ANKRD11: variants seen among roughly 807,000 people sequenced by gnomAD.
ANKRD11 encodes the protein ankyrin repeat domain-containing protein 11.
In ANKRD11, 17 loss-of-function variants were observed where a neutral mutation model predicts 195.7. The ratio of observed to expected loss-of-function variants is 0.09; its 90% CI spans 0.06 to 0.13. The LOEUF is 0.13. Ranked by LOEUF, ANKRD11 falls within the 10% of genes least tolerant of loss-of-function variation. ANKRD11 has a pLI of 1.00. For synonymous variants in ANKRD11, 1,953 were observed against 1,528.1 expected (o/e 1.28, Z -6.49); for missense variants, 3,735 against 3,566.1 (o/e 1.05, Z -1.21).
chr16:89,465,478 T>C (rs2056849720), intron 1 of ANKRD11, among the ~76,000 whole-genome samples: 1 of 152,140 alleles, frequency 6.6e-6, no homozygotes, highest in South Asian at 2.1e-4. Context: ...GAGCAGACAG[T>C]CCATCGAGGC....
chr16:89,356,705 C>T (rs1336691939), intron 2 of ANKRD11, among the ~76,000 whole-genome samples: 4 of 145,098 alleles, frequency 2.8e-5, no homozygotes, highest in South Asian at 2.2e-4. Flanking sequence ...GGTATGAACC[C>T]GGGAGGCCGA....
intron 2 of ANKRD11, among the ~76,000 whole-genome samples, chr16:89,406,340 AC>A (rs2041905575): frequency 6.6e-6 from 1 of 152,098 alleles, no homozygotes; most frequent in South Asian, 2.1e-4. Flanking sequence ...CACGGCGGGC[AC>A]GGGAAACCCA....
Position 89,284,213 on chromosome 16 carries a change from C to G in ANKRD11, c.2329G>C (p.Glu777Gln). Residue 777 changes from glutamate (E) to glutamine (Q), a missense_variant, in exon 9 of 13, where the codon GAG (glutamate) becomes CAG (glutamine). By Grantham distance (29) the Glu-to-Gln change is conservative. Coordinates refer to ENST00000301030, the MANE Select transcript of ANKRD11 (RefSeq NM_013275.6). ...KKSKDRPSKL[E>Q]KKNDLKEDKI... Reference sequence around the variant, plus strand: ...TCCTCTTTTAAATCATTCTTCTTCTCTAATTTTGAGGGCCGGTCTTTTGAT... The same window carrying G: ...TCCTCTTTTAAATCATTCTTCTTCTGTAATTTTGAGGGCCGGTCTTTTGAT... 6.2e-7 allele frequency: 1 copy of G among 1,612,282 alleles called. No homozygotes were observed. Among genetic ancestry groups the G allele is most frequent in the South Asian group, 1.1e-5 (1 of 90,172 alleles).
intron 1 of ANKRD11, chr16:89,489,153 G>C (rs1597575835): frequency 1.3e-5 from 2 of 151,882 alleles, no homozygotes; most frequent in East Asian, 1.9e-4. Context: ...AAACACAAGA[G>C]TTAACAGTAC....
chr16:89,445,091 G>A, intron 1 of ANKRD11, among the ~76,000 whole-genome samples: 1 of 152,222 alleles, frequency 6.6e-6, no homozygotes, highest in Non-Finnish European at 1.5e-5. Context: ...AGGGTGCCCA[G>A]GCACTCACCA....
At chr16:89,334,603 C>T (rs916892789) in intron 2 of ANKRD11, among the ~76,000 whole-genome samples, 3 of 152,082 alleles carry the variant, frequency 2.0e-5, no homozygotes, top group African/African-American at 4.8e-5. Flanking sequence ...GTAGGCCAGA[C>T]CCTGACCCAG....
intron 4 of ANKRD11, chr16:89,300,939 A>C (rs1597529205): frequency 1.4e-6 from 1 of 695,312 alleles, no homozygotes; most frequent in African/African-American, 1.8e-5. Flanking sequence ...TGGCTGCCCC[A>C]GGACAAGCAG....
intron 1 of ANKRD11, among the ~76,000 whole-genome samples, chr16:89,439,923 T>C (rs2043373772): frequency 6.6e-6 from 1 of 152,224 alleles, no homozygotes; most frequent in Admixed American, 6.5e-5. Context: ...ACTCCAGCTC[T>C]ACTGCACACA....
rs369759142 is a variant in ANKRD11 at position 89,284,283 on chromosome 16, C to T, written c.2259G>A (p.Pro753=). Residue 753 remains proline, a synonymous_variant, in exon 9 of 13, where the codon CCG becomes CCA. Coordinates refer to ENST00000301030, the MANE Select transcript of ANKRD11 (RefSeq NM_013275.6). ...TGTACAGTCTCAGTTTTTCTTCTTT[C>T]GGAGACTTTTCCTTCAGCGATCTCT... ...EKERSLKEKS[P]KEEKLRLYKE... is the part of the protein sequence containing the mutation. 61 of 1,613,702 alleles carry T rather than the reference C, an allele frequency of 3.8e-5. No homozygotes were observed. The highest frequency in any genetic ancestry group is 1.6e-4 in the Middle Eastern group (1 of 6,062).
At chr16:89,380,542 C>T (rs776150573) in intron 2 of ANKRD11, among the ~76,000 whole-genome samples, 1 of 129,560 alleles carries the variant, frequency 7.7e-6, no homozygotes, top group Non-Finnish European at 1.6e-5. Context: ...ACACAGGGCA[C>T]GAAGAGCAGC....
intron 1 of ANKRD11, among the ~76,000 whole-genome samples, chr16:89,442,685 G>A (rs1013725449): frequency 6.6e-6 from 1 of 152,224 alleles, no homozygotes; most frequent in Non-Finnish European, 1.5e-5. Flanking sequence ...GACACGGTTA[G>A]TCCTTTCCTC....
At chr16:89,473,466 A>G (rs2057156456) in intron 1 of ANKRD11, among the ~76,000 whole-genome samples, 1 of 152,174 alleles carries the variant, frequency 6.6e-6, no homozygotes, top group South Asian at 2.1e-4. Context: ...GGCAGGCAGG[A>G]CAGTGGGAAA....
chr16:89,475,720 C>T (rs550769455), intron 1 of ANKRD11, among the ~76,000 whole-genome samples: 1 of 152,080 alleles, frequency 6.6e-6, no homozygotes, highest in Non-Finnish European at 1.5e-5. Flanking sequence ...ACACAAAATG[C>T]TCTCCCAAGT....
chr16:89,311,811 G>A (rs61303935), intron 3 of ANKRD11, among the ~76,000 whole-genome samples: 18,822 of 152,162 alleles, frequency 0.12, 1,700 homozygotes, highest in East Asian at 0.36. Context: ...CAGAGCCAAG[G>A]GGATTTTCTT....
intron 2 of ANKRD11, among the ~76,000 whole-genome samples, chr16:89,342,137 T>C (rs2038719419): frequency 6.6e-6 from 1 of 152,032 alleles, no homozygotes; most frequent in African/African-American, 2.4e-5. Context: ...GTCCCTTCTC[T>C]CAGGGCCCTT....
intron 2 of ANKRD11, among the ~76,000 whole-genome samples, chr16:89,378,211 C>T (rs2040502566): frequency 6.6e-6 from 1 of 152,096 alleles, no homozygotes; most frequent in Non-Finnish European, 1.5e-5. Context: ...AAAAAAAGTG[C>T]TTTGTATATG....
At chr16:89,309,269 CA>C (rs1304016957) in intron 3 of ANKRD11, among the ~76,000 whole-genome samples, 7 of 152,162 alleles carry the variant, frequency 4.6e-5, no homozygotes, top group Non-Finnish European at 1.0e-4. Flanking sequence ...CCAACAGGAG[CA>C]AAATCCTGCA....
intron 3 of ANKRD11, among the ~76,000 whole-genome samples, chr16:89,305,783 C>A (rs1178539903): frequency 7.1e-6 from 1 of 141,114 alleles, no homozygotes; most frequent in Non-Finnish European, 1.5e-5. Context: ...TCCCACTCCG[C>A]AGACACGCGC....
intron 1 of ANKRD11, among the ~76,000 whole-genome samples, chr16:89,421,729 G>A (rs1279241734): frequency 7.1e-6 from 1 of 140,366 alleles, no homozygotes; most frequent in Non-Finnish European, 1.5e-5. Context: ...GGTGAGACAC[G>A]AAGGGTCGGT....
Sources: gnomAD v4.1 joint callset for allele counts (sites outside exome capture counted in the v4.1 genomes callset) on GRCh38, gnomAD v4.1.1 for gene constraint, MANE v1.5 for transcripts, NCBI Gene and HGNC (gene_info 2026-07-23, HGNC 2026-07-21) for gene names.